ZMIZ1: variants seen among roughly 807,000 people sequenced by gnomAD.
The protein encoded by ZMIZ1 is zinc finger MIZ-type containing 1.
Under a neutral mutation model 113.9 loss-of-function variants are expected in ZMIZ1, and 17 were observed. The ratio of observed to expected loss-of-function variants is 0.15; its 90% CI spans 0.10 to 0.22. ZMIZ1 has a LOEUF of 0.22. ZMIZ1 is among the 10% of genes least tolerant of loss of function. ZMIZ1 has a pLI of 1.00. For missense variants in ZMIZ1, 1,059 were observed against 1,477.8 expected, an observed-to-expected ratio of 0.72 and a Z score of 4.65; for synonymous variants, 607 against 603.1, an observed-to-expected ratio of 1.01 and a Z score of -0.09.
chr10:79,184,710 T>G (rs1016999922), intron 4 of ZMIZ1, among the ~76,000 whole-genome samples: 1 of 152,142 alleles, frequency 6.6e-6, no homozygotes, highest in African/African-American at 2.4e-5. Context: ...AATGGAGCCG[T>G]GTGAGCGAGT....
intron 7 of ZMIZ1, among the ~76,000 whole-genome samples, chr10:79,257,489 G>C (rs557217049): frequency 1.3e-5 from 2 of 152,240 alleles, no homozygotes; most frequent in African/African-American, 4.8e-5. Context: ...GGGGAACATC[G>C]GTGTTGCCCT....
intron 18 of ZMIZ1, among the ~76,000 whole-genome samples, chr10:79,302,699 TTTTTTTGA>T (rs1429185568): frequency 2.3e-5 from 3 of 132,576 alleles, no homozygotes; most frequent in South Asian, 2.7e-4. Flanking sequence ...TTTTTTTTTT[TTTTTTTGA>T]GAGAGAGAGA....
At chr10:79,240,639 T>C (rs1487389532) in intron 7 of ZMIZ1, among the ~76,000 whole-genome samples, 4 of 28,752 alleles carry the variant, frequency 1.4e-4, no homozygotes, top group Admixed American at 1.2e-3. Context: ...AGTATTTATC[T>C]TTTTTTTTTT....
chr10:79,074,955 G>A (rs1160251185), intron 1 of ZMIZ1, among the ~76,000 whole-genome samples: 6 of 152,282 alleles, frequency 3.9e-5, no homozygotes, highest in African/African-American at 1.4e-4. Context: ...TGTGCTGGGG[G>A]AGGCTGGGGT....
In ZMIZ1 at chr10:79,291,153, C is replaced by T. The variant is rs981369652; in HGVS notation, c.735C>T (p.Pro245=). The change falls in exon 10 of 25, where the codon CCC becomes CCT. Residue 245 remains proline, a synonymous_variant. Transcript: ENST00000334512. ...QQSMYGRPNY[P]GSGGFGASYP... ...GCATGTATGGCCGGCCCAACTACCC[C>T]GGCAGCGGGGGCTTTGGGGCCAGGT... 1.9e-6 allele frequency: 3 copies of T among 1,611,328 alleles called. No homozygotes were observed. The highest frequency in any genetic ancestry group is 4.5e-5 in the East Asian group (2 of 44,810).
At chr10:79,257,807 G>A (rs755344380) in intron 7 of ZMIZ1, among the ~76,000 whole-genome samples, 5 of 152,202 alleles carry the variant, frequency 3.3e-5, no homozygotes, top group Admixed American at 6.5e-5. Flanking sequence ...GGTTTGCACC[G>A]TCTTTAACTC....
intron 4 of ZMIZ1, among the ~76,000 whole-genome samples, chr10:79,188,428 C>T (rs867747654): frequency 3.3e-5 from 5 of 152,204 alleles, no homozygotes; most frequent in East Asian, 1.9e-4. Context: ...GAGCCCAGGG[C>T]GCCTTCAGGC....
intron 1 of ZMIZ1, among the ~76,000 whole-genome samples, chr10:79,094,838 A>G (rs935970095): frequency 1.3e-5 from 2 of 152,170 alleles, no homozygotes; most frequent in Non-Finnish European, 2.9e-5. Flanking sequence ...AGTCCCAGCT[A>G]CTGGGGAGGC....
intron 17 of ZMIZ1, among the ~76,000 whole-genome samples, chr10:79,301,434 G>A (rs1474364285): frequency 6.6e-6 from 1 of 151,964 alleles, no homozygotes; most frequent in African/African-American, 2.4e-5. Flanking sequence ...TCCAACCCGT[G>A]ACTTGTTACC....
chr10:79,288,983 G>A, intron 8 of ZMIZ1, among the ~76,000 whole-genome samples: 1 of 152,168 alleles, frequency 6.6e-6, no homozygotes, highest in East Asian at 1.9e-4. Flanking sequence ...TAGGGGCAGG[G>A]GCAGCTCCAC....
intron 8 of ZMIZ1, chr10:79,285,405 C>T (rs1370963664): frequency 2.2e-6 from 1 of 452,674 alleles, no homozygotes; most frequent in Non-Finnish European, 4.4e-6. Flanking sequence ...ACACTTAACC[C>T]TCACGGCAGC....
intron 4 of ZMIZ1, among the ~76,000 whole-genome samples, chr10:79,181,081 G>T (rs181999994): frequency 6.6e-6 from 1 of 152,356 alleles, no homozygotes; most frequent in African/African-American, 2.4e-5. Flanking sequence ...TTCCCAGGAG[G>T]CAGAGCTGTG....
At chr10:79,175,632 A>T (rs1447825376) in intron 4 of ZMIZ1, among the ~76,000 whole-genome samples, 9,114 of 59,838 alleles carry the variant, frequency 0.15, 944 homozygotes, top group African/African-American at 0.44. Context: ...GTGTGTGTGG[A>T]GGTTTTTACA....
At chr10:79,303,935 A>G in intron 18 of ZMIZ1, 80 bp from the exon 19 acceptor site, 1 of 1,570,536 alleles carries the variant, frequency 6.4e-7, no homozygotes, top group South Asian at 1.1e-5. Context: ...CTGCACGAGG[A>G]AGTGGGGAGC....
chr10:79,198,644 G>A (rs1394736191), intron 4 of ZMIZ1, among the ~76,000 whole-genome samples: 2 of 152,190 alleles, frequency 1.3e-5, no homozygotes. Context: ...ATTCCCAGAT[G>A]ACCCAGCAAC....
At chr10:79,293,103 T>TG (rs1364664907) in intron 11 of ZMIZ1, among the ~76,000 whole-genome samples, 1 of 151,972 alleles carries the variant, frequency 6.6e-6, no homozygotes, top group Non-Finnish European at 1.5e-5. Context: ...TCCCTGGAAA[T>TG]GCTGCCTGTG....
chr10:79,103,991 T>C (rs902789576), intron 1 of ZMIZ1, among the ~76,000 whole-genome samples: 2 of 152,238 alleles, frequency 1.3e-5, no homozygotes, highest in African/African-American at 2.4e-5. Flanking sequence ...GCTGACTTCT[T>C]ACTATGAACT....
chr10:79,208,227 T>C, intron 5 of ZMIZ1, 109 bp from the exon 6 acceptor site: 3 of 859,342 alleles, frequency 3.5e-6, no homozygotes, highest in Non-Finnish European at 5.7e-6. Context: ...CCCCTTTCTG[T>C]GAACCTCCTC....
intron 5 of ZMIZ1, among the ~76,000 whole-genome samples, chr10:79,206,030 C>T (rs1350087669): frequency 6.6e-6 from 1 of 151,900 alleles, no homozygotes; most frequent in Non-Finnish European, 1.5e-5. Context: ...ATCACTTGAG[C>T]CCAGGAGATT....
Sources: gnomAD v4.1 joint callset for allele counts (sites outside exome capture counted in the v4.1 genomes callset) on GRCh38, gnomAD v4.1.1 for gene constraint, MANE v1.5 for transcripts, NCBI Gene and HGNC (gene_info 2026-07-23, HGNC 2026-07-21) for gene names.